SPSB4: variants seen among roughly 807,000 people sequenced by gnomAD.
SPSB4 encodes the protein SPRY domain-containing SOCS box protein 4.
Under a neutral mutation model 20.9 loss-of-function variants are expected in SPSB4, and 21 were observed. The observed-to-expected ratio is 1.01, with a 90% confidence interval of 0.71 to 1.45. SPSB4 has a LOEUF of 1.45. SPSB4 is among the 40% of genes most tolerant of loss of function. The probability of loss-of-function intolerance (pLI) is 0.00; values close to 1 mark genes in which losing one functional copy is unlikely to be tolerated. For synonymous variants in SPSB4, 207 were observed against 183.8 expected (o/e 1.13, Z -1.02); for missense variants, 399 against 399.2 (o/e 1.00, Z 0.00).
intron 2 of SPSB4, among the ~76,000 whole-genome samples, chr3:141,084,808 C>T (rs1938310982): frequency 6.6e-6 from 1 of 152,260 alleles, no homozygotes; most frequent in Admixed American, 6.5e-5. Context: ...CTGACCCCTC[C>T]AGATGCTCAT....
chr3:141,066,238 C>T lies in SPSB4; in HGVS notation c.134C>T (p.Ala45Val). 2.0e-6 allele frequency: 3 copies of T among 1,523,662 alleles called. No individual in the cohort carries two copies. The highest frequency in any genetic ancestry group is 1.4e-5 in the African/African-American group (1 of 71,918). 94.4% of individuals were successfully genotyped at this position (1,523,662 alleles called of 1,614,324 possible). A position where few individuals can be genotyped will look rare whatever the true frequency, so the allele number is the denominator to read the frequency against. Residue 45 changes from alanine to valine, a missense_variant, in exon 2 of 3, where the codon GCG (alanine) becomes GTG (valine). Ala to Val is a moderately conservative substitution (Grantham distance 64, BLOSUM62 0). Coordinates refer to ENST00000310546, the MANE Select transcript of SPSB4 (RefSeq NM_080862.3). ...CTGGACCAGCTGTTGGACATGCCAG[C>T]GGCGGGGCTGGCTGTGCAGCTGCGG... Reference protein sequence around the residue: ...ARLDQLLDMPAAGLAVQLRHA... With the variant: ...ARLDQLLDMPVAGLAVQLRHA...
At chr3:141,138,979 T>G (rs1352277821) in intron 2 of SPSB4, among the ~76,000 whole-genome samples, 1 of 152,224 alleles carries the variant, frequency 6.6e-6, no homozygotes, top group East Asian at 1.9e-4. Flanking sequence ...TAAGTCTTTT[T>G]GTAGGTTACT....
At chr3:141,114,739 C>T (rs1274905657) in intron 2 of SPSB4, among the ~76,000 whole-genome samples, 1 of 152,110 alleles carries the variant, frequency 6.6e-6, no homozygotes, top group Non-Finnish European at 1.5e-5. Context: ...TGCCTTTTCC[C>T]AATTCAAAAA....
chr3:141,131,761 G>C (rs930646855), intron 2 of SPSB4, among the ~76,000 whole-genome samples: 1 of 152,148 alleles, frequency 6.6e-6, no homozygotes, highest in Admixed American at 6.5e-5. Flanking sequence ...CTTTCAGTTT[G>C]GTGCTGTTAC....
At chr3:141,136,188 T>G (rs1013952038) in intron 2 of SPSB4, among the ~76,000 whole-genome samples, 20 of 152,184 alleles carry the variant, frequency 1.3e-4, no homozygotes, top group African/African-American at 3.9e-4. Context: ...TTTGAAGGGT[T>G]TGTTTTTTTC....
At chr3:141,083,775 G>A (rs1938285578) in intron 2 of SPSB4, among the ~76,000 whole-genome samples, 1 of 152,094 alleles carries the variant, frequency 6.6e-6, no homozygotes, top group South Asian at 2.1e-4. Flanking sequence ...GAGCACATTT[G>A]CGGTGGTGAA....
At chr3:141,110,645 G>C (rs1163984396) in intron 2 of SPSB4, among the ~76,000 whole-genome samples, 2 of 152,206 alleles carry the variant, frequency 1.3e-5, no homozygotes, top group Admixed American at 6.5e-5. Context: ...TTTGGGTCCA[G>C]GGCAGAAGGA....
Position 141,103,780 on chromosome 3 carries a change from G to C in SPSB4, c.694+36982G>C, listed in dbSNP as rs59922811. Among the ~76,000 whole-genome samples, 657 of 151,998 alleles carry C rather than the reference G, an allele frequency of 4.3e-3. 3 individuals are homozygous for C. Among genetic ancestry groups the C allele is most frequent in the African/African-American group, 0.015 (636 of 41,450 alleles). ...GAGCCATTCAGCAAAGGGGCATGAG[G>C]CCCAGCCCTCAGGAGCCAGGCAGAG... On this transcript the variant is annotated intron_variant, in intron 2 of 2. Coordinates refer to ENST00000310546, the MANE Select transcript of SPSB4 (RefSeq NM_080862.3).
rs1939455198 is a variant in SPSB4, at chr3:141,148,501, G to A, written c.*1232G>A. ...AAATCATCACAGCAGTGGGATATCAGAGCCCCAGACAGCACTGCCTCTTCC... is the reference window on the plus strand; with the variant it reads ...AAATCATCACAGCAGTGGGATATCAAAGCCCCAGACAGCACTGCCTCTTCC... On this transcript the variant is annotated 3_prime_UTR_variant, in exon 3 of 3. Coordinates refer to ENST00000310546, the MANE Select transcript of SPSB4 (RefSeq NM_080862.3). The surrounding 1 kb of genome is among the most constrained non-coding windows in gnomAD (Gnocchi z 4.5). The A allele has an allele frequency of 6.5e-6, 1 of 152,730 alleles. No homozygotes were observed. Among genetic ancestry groups the A allele is most frequent in the Non-Finnish European group, 1.5e-5 (1 of 68,096 alleles). 9.5% of individuals were successfully genotyped at this position (152,730 alleles called of 1,614,324 possible).
intron 2 of SPSB4, among the ~76,000 whole-genome samples, chr3:141,118,630 CA>C (rs1446995368): frequency 2.0e-5 from 3 of 152,164 alleles, no homozygotes; most frequent in Non-Finnish European, 4.4e-5. Flanking sequence ...TTAGTTCTTA[CA>C]TTTAGGTCTT....
At chr3:141,107,826 A>G (rs1263265321) in intron 2 of SPSB4, among the ~76,000 whole-genome samples, 1 of 152,092 alleles carries the variant, frequency 6.6e-6, no homozygotes, top group Non-Finnish European at 1.5e-5. Context: ...ATGGTGGCTC[A>G]AGCCTGTAAT....
chr3:141,139,558 T>A (rs1203702294), intron 2 of SPSB4, among the ~76,000 whole-genome samples: 1 of 152,236 alleles, frequency 6.6e-6, no homozygotes, highest in Non-Finnish European at 1.5e-5. Flanking sequence ...CAGCATTTGC[T>A]TGTCTGTGAA....
At chr3:141,071,377 G>A (rs1246173401) in intron 2 of SPSB4, among the ~76,000 whole-genome samples, 1 of 152,158 alleles carries the variant, frequency 6.6e-6, no homozygotes, top group Non-Finnish European at 1.5e-5. Context: ...ATCAGACAGA[G>A]ACAAGAGGCC....
intron 1 of SPSB4, among the ~76,000 whole-genome samples, chr3:141,061,099 C>T (rs530052658): frequency 6.6e-6 from 1 of 152,148 alleles, no homozygotes; most frequent in Admixed American, 6.5e-5. Flanking sequence ...TCTGTCTTCT[C>T]CCCCATTAAA....
At chr3:141,053,741 T>G (rs1245710545) in intron 1 of SPSB4, among the ~76,000 whole-genome samples, 2 of 152,224 alleles carry the variant, frequency 1.3e-5, no homozygotes, top group South Asian at 2.1e-4. Context: ...CAAGATTTTT[T>G]TTTAATGTAT....
At position 141,065,998 on chromosome 3, in the gene SPSB4, C is replaced by T; in HGVS notation, c.-107C>T. ...CCCGGTAGAGGCTGTGGAGGTCTAC[C>T]GTCCGGAAGCCTGGTTCCCAGCCCC... On this transcript the variant is annotated 5_prime_UTR_variant, in exon 2 of 3. Transcript: ENST00000310546. The T allele has an allele frequency of 3.8e-6, 4 of 1,059,752 alleles. No individual in the cohort carries two copies. Among genetic ancestry groups the T allele is most frequent in the South Asian group, 3.5e-5 (2 of 56,394 alleles). 65.6% of individuals were successfully genotyped at this position (1,059,752 alleles called of 1,614,324 possible). A position where few individuals can be genotyped will look rare whatever the true frequency, so the allele number is the denominator to read the frequency against.
Position 141,107,904 on chromosome 3 carries a change from G to A in SPSB4, c.695-39238G>A, listed in dbSNP as rs1938723886. On this transcript the variant is annotated intron_variant, in intron 2 of 2. Coordinates refer to ENST00000310546, the MANE Select transcript of SPSB4 (RefSeq NM_080862.3). ...CAGGAGGTGGAGGTTGCAGTGAACC[G>A]AGATCACACCACTGCACTCCAGCCT... Among the ~76,000 whole-genome samples, 5 of 151,404 alleles carry A rather than the reference G, an allele frequency of 3.3e-5. No individual in the cohort carries two copies. The South Asian group carries it at 1.1e-3, about 32-fold the overall frequency.
chr3:141,091,966 C>T (rs1220091549), intron 2 of SPSB4, among the ~76,000 whole-genome samples: 1 of 152,234 alleles, frequency 6.6e-6, no homozygotes, highest in Non-Finnish European at 1.5e-5. Context: ...TCTCTGGAGC[C>T]TGCTCAGCCC....
At chr3:141,075,985 GA>G (rs1174368188) in intron 2 of SPSB4, among the ~76,000 whole-genome samples, 2 of 151,030 alleles carry the variant, frequency 1.3e-5, no homozygotes, top group African/African-American at 4.9e-5. Flanking sequence ...ATTTGAACCC[GA>G]AGGTGGAGGT....
Sources: allele counts gnomAD v4.1 joint callset (sites outside exome capture counted in the v4.1 genomes callset), GRCh38; gene constraint gnomAD v4.1.1; non-coding constraint Gnocchi (gnomAD v3.1); transcripts MANE v1.5; gene names NCBI Gene and HGNC (gene_info 2026-07-23, HGNC 2026-07-21).